MAST4: variants seen among roughly 807,000 people sequenced by gnomAD.
MAST4 encodes the protein microtubule associated serine/threonine kinase family member 4, also known as microtubule-associated serine/threonine-protein kinase 4.
Under a neutral mutation model 162.7 loss-of-function variants are expected in MAST4, and 89 were observed. That is an observed-to-expected ratio of 0.55 (90% CI 0.46 to 0.65). The LOEUF (loss-of-function observed/expected upper bound fraction) is 0.65. Ranked by LOEUF, MAST4 falls within the 30% of genes least tolerant of loss-of-function variation. The probability of loss-of-function intolerance (pLI) is 0.00; values close to 1 mark genes in which losing one functional copy is unlikely to be tolerated. For missense variants in MAST4, 3,153 were observed against 3,374.0 expected (o/e 0.93, Z 1.62); for synonymous variants, 1,479 against 1,361.1 (o/e 1.09, Z -1.91).
At chr5:66,793,059 G>A (rs1429842555) in intron 3 of MAST4, among the ~76,000 whole-genome samples, 4 of 152,222 alleles carry the variant, frequency 2.6e-5, no homozygotes, top group African/African-American at 9.7e-5. Context: ...TGGTAGGTAT[G>A]AATTTTAGTA....
At chr5:67,085,262 C>T (rs1030619606) in intron 5 of MAST4, among the ~76,000 whole-genome samples, 4 of 152,126 alleles carry the variant, frequency 2.6e-5, no homozygotes, top group Admixed American at 2.0e-4. Context: ...CCGTTGGCTC[C>T]GCTGCCAAAA....
intron 1 of MAST4, among the ~76,000 whole-genome samples, chr5:66,742,890 A>G (rs1001615643): frequency 1.1e-4 from 17 of 152,318 alleles, no homozygotes; most frequent in African/African-American, 4.1e-4. Flanking sequence ...AGTTGCTCAC[A>G]TGCTCATAAC....
intron 1 of MAST4, among the ~76,000 whole-genome samples, chr5:66,657,104 C>A (rs1233745729): frequency 2.0e-5 from 3 of 152,106 alleles, no homozygotes; most frequent in Non-Finnish European, 4.4e-5. Flanking sequence ...AATGTTCATT[C>A]CAGAGGTTTT....
intron 5 of MAST4, among the ~76,000 whole-genome samples, chr5:67,081,272 G>C (rs1352380683): frequency 1.3e-5 from 2 of 150,892 alleles, no homozygotes; most frequent in South Asian, 2.1e-4. Context: ...GGTTATGTAC[G>C]TGCTTAACCC....
chr5:67,078,939 T>TATATATATA (rs1561622741), intron 5 of MAST4, among the ~76,000 whole-genome samples: 5 of 97,186 alleles, frequency 5.1e-5, no homozygotes, highest in African/African-American at 1.9e-4. Context: ...TATATATATA[T>TATATATATA]ATATATATAT....
rs1036101910 is a variant in MAST4, at chr5:67,168,427, C to G, written c.*1376C>G. 2 of 152,162 alleles carry G rather than the reference C, an allele frequency of 1.3e-5. No homozygotes were observed. The highest frequency in any genetic ancestry group is 4.8e-5 in the African/African-American group (2 of 41,434). The allele number at this position is 152,162 out of a possible 1,614,324, so 9.4% of individuals were successfully genotyped here. Reference sequence around the variant, plus strand: ...AATGTGACCATCCTTTTTACTTTTGCTAAGCCTTATTTAAATTTTGTATAC... The same window carrying G: ...AATGTGACCATCCTTTTTACTTTTGGTAAGCCTTATTTAAATTTTGTATAC... On this transcript the variant is annotated 3_prime_UTR_variant, in exon 29 of 29. Transcript: ENST00000403625.
intron 3 of MAST4, among the ~76,000 whole-genome samples, chr5:66,822,422 T>A (rs769021841): frequency 6.6e-6 from 1 of 152,198 alleles, no homozygotes; most frequent in Non-Finnish European, 1.5e-5. Flanking sequence ...ATGCCTGGCA[T>A]GGCAATGGAA....
At chr5:67,074,006 G>T (rs1364882351) in intron 5 of MAST4, among the ~76,000 whole-genome samples, 8 of 151,942 alleles carry the variant, frequency 5.3e-5, no homozygotes, top group African/African-American at 1.9e-4. Context: ...AAAAAATACT[G>T]TAAACAAAAC....
intron 12 of MAST4, 70 bp downstream of exon 12, chr5:67,114,289 G>T: frequency 6.6e-7 from 1 of 1,522,700 alleles, no homozygotes; most frequent in South Asian, 1.2e-5. Context: ...AAATCTAAGT[G>T]GCAAGTCTTT....
rs191921184 is a variant in MAST4, at chr5:66,705,662, A to G, written c.364-54047A>G. Among the ~76,000 whole-genome samples the G allele has an allele frequency of 6.6e-5, 10 of 152,296 alleles. No homozygotes were observed. In the East Asian group the frequency reaches 1.9e-3, roughly 29 times the overall value. On this transcript the variant is annotated intron_variant, in intron 1 of 28. Coordinates refer to ENST00000403625, the MANE Select transcript of MAST4 (RefSeq NM_001164664.2). ...TGCCTGGCACTTAACTAGTATTTAAAAACTGAGCACTCAAAGCTTCATGAT... is the reference window on the plus strand; with the variant it reads ...TGCCTGGCACTTAACTAGTATTTAAGAACTGAGCACTCAAAGCTTCATGAT...
At chr5:66,664,170 T>C (rs1747089689) in intron 1 of MAST4, among the ~76,000 whole-genome samples, 1 of 152,030 alleles carries the variant, frequency 6.6e-6, no homozygotes, top group African/African-American at 2.4e-5. Flanking sequence ...GTGTGGTGGC[T>C]CACGCCTGTA....
In MAST4 at chr5:66,930,648, A is replaced by G. The variant is rs143861902; in HGVS notation, c.674+30666A>G. 380 of 455,014 alleles carry G rather than the reference A, an allele frequency of 8.4e-4. 2 individuals are homozygous for G. Among genetic ancestry groups the G allele is most frequent in the African/African-American group, 6.6e-3 (327 of 49,300 alleles). 28.2% of individuals were successfully genotyped at this position (455,014 alleles called of 1,614,324 possible). ...CTCAAGGAATAAAAACTTCCCTGAC[A>G]ATATATATTTGACCCTTTGACATGC... On this transcript the variant is annotated intron_variant, in intron 4 of 28. Transcript: ENST00000403625.
intron 5 of MAST4, among the ~76,000 whole-genome samples, chr5:67,066,644 G>C (rs1437146925): frequency 6.6e-6 from 1 of 152,012 alleles, no homozygotes; most frequent in Admixed American, 6.6e-5. Context: ...GCTGTTCCCA[G>C]TATTTTTGTT....
At chr5:66,834,650 C>A (rs1359559034) in intron 3 of MAST4, among the ~76,000 whole-genome samples, 2 of 152,178 alleles carry the variant, frequency 1.3e-5, no homozygotes, top group East Asian at 3.8e-4. Context: ...GCCTACATCA[C>A]TGGGGCCTGA....
intron 21 of MAST4, among the ~76,000 whole-genome samples, chr5:67,144,011 T>C (rs1226632576): frequency 6.6e-6 from 1 of 152,152 alleles, no homozygotes; most frequent in Non-Finnish European, 1.5e-5. Context: ...TTCTCTCTTA[T>C]GAGACAACAG....
At chr5:66,932,307 C>G (rs1405415649) in intron 4 of MAST4, among the ~76,000 whole-genome samples, 2 of 152,110 alleles carry the variant, frequency 1.3e-5, no homozygotes, top group Non-Finnish European at 2.9e-5. Context: ...GTTTTATCTT[C>G]TAGTTTACTT....
intron 26 of MAST4, among the ~76,000 whole-genome samples, chr5:67,154,279 T>C (rs1772216048): frequency 1.3e-5 from 2 of 152,228 alleles, no homozygotes; most frequent in South Asian, 2.1e-4. Context: ...GTCTTTTTCA[T>C]TCTTTATAGC....
intron 2 of MAST4, among the ~76,000 whole-genome samples, chr5:66,771,752 C>T (rs533339366): frequency 2.1e-3 from 294 of 141,202 alleles, no homozygotes; most frequent in Non-Finnish European, 3.9e-3. Flanking sequence ...AAACTGGTTT[C>T]GGGCTTTTTT....
chr5:66,619,135 T>G (rs1743911914), intron 1 of MAST4, among the ~76,000 whole-genome samples: 1 of 152,166 alleles, frequency 6.6e-6, no homozygotes, highest in Non-Finnish European at 1.5e-5. Flanking sequence ...GTTCCTCAAA[T>G]AGAAGAATGG....
Sources: allele counts gnomAD v4.1 joint callset (sites outside exome capture counted in the v4.1 genomes callset), GRCh38; gene constraint gnomAD v4.1.1; transcripts MANE v1.5; gene names NCBI Gene and HGNC (gene_info 2026-07-23, HGNC 2026-07-21).